Variants in KDM4C observed in about 807,000 individuals in gnomAD.
KDM4C encodes the protein lysine-specific demethylase 4C.
Under a neutral mutation model 129.3 loss-of-function variants are expected in KDM4C, and 81 were observed. The observed-to-expected ratio is 0.63, with a 90% CI of 0.52 to 0.75. The LOEUF (loss-of-function observed/expected upper bound fraction) is 0.75. Ranked by LOEUF, KDM4C falls within the 30% of genes least tolerant of loss-of-function variation. The pLI, the probability that KDM4C is intolerant of heterozygous loss-of-function variation, is 0.00. For missense variants in KDM4C, 1,457 were observed against 1,304.0 expected, an observed-to-expected ratio of 1.12 and a Z score of -1.81; for synonymous variants, 573 against 456.1, an observed-to-expected ratio of 1.26 and a Z score of -3.26.
chr9:7,090,168 T>C (rs1243612600), intron 17 of KDM4C, among the ~76,000 whole-genome samples: 2 of 152,266 alleles, frequency 1.3e-5, no homozygotes, highest in Admixed American at 1.3e-4. Context: ...GATGCACTTA[T>C]AACCTCTTCA....
At chr9:6,865,321 T>G (rs1273094368) in intron 5 of KDM4C, among the ~76,000 whole-genome samples, 1 of 152,194 alleles carries the variant, frequency 6.6e-6, no homozygotes, top group African/African-American at 2.4e-5. Context: ...GTTAAATTTC[T>G]TTGATAAATT....
chr9:6,768,829 G>A (rs887995165), intron 1 of KDM4C, among the ~76,000 whole-genome samples: 1 of 151,706 alleles, frequency 6.6e-6, no homozygotes, highest in African/African-American at 2.4e-5. Context: ...CTGGAGTGCA[G>A]TGATGCAATC....
At chr9:6,768,971 C>G (rs1821205654) in intron 1 of KDM4C, among the ~76,000 whole-genome samples, 1 of 151,970 alleles carries the variant, frequency 6.6e-6, no homozygotes. Context: ...CGGGGTTTCA[C>G]CATGTTGGCC....
intron 4 of KDM4C, among the ~76,000 whole-genome samples, chr9:6,818,254 A>C (rs1046637793): frequency 6.6e-6 from 1 of 152,206 alleles, no homozygotes; most frequent in East Asian, 1.9e-4. Context: ...TTCTTTTAGC[A>C]CAAGCCACAT....
chr9:6,925,432 C>A (rs1822299286), intron 8 of KDM4C: 1 of 926,686 alleles, frequency 1.1e-6, no homozygotes, highest in Non-Finnish European at 1.3e-6. Flanking sequence ...TTCCTCCTTT[C>A]CCCTTTTCCT....
At chr9:6,840,614 C>T (rs1836742778) in intron 4 of KDM4C, among the ~76,000 whole-genome samples, 3 of 152,102 alleles carry the variant, frequency 2.0e-5, no homozygotes, top group Admixed American at 6.5e-5. Flanking sequence ...CCAGGCTGGT[C>T]TCAAACTTCT....
chr9:6,840,781 C>T (rs1186256255), intron 4 of KDM4C, among the ~76,000 whole-genome samples: 1 of 152,192 alleles, frequency 6.6e-6, no homozygotes, highest in Non-Finnish European at 1.5e-5. Flanking sequence ...TGATGTTTTG[C>T]TTTTGTTTTC....
At chr9:6,779,490 G>C (rs1340092972) in intron 1 of KDM4C, among the ~76,000 whole-genome samples, 1 of 152,162 alleles carries the variant, frequency 6.6e-6, no homozygotes, top group Non-Finnish European at 1.5e-5. Context: ...TGGTGTGTTC[G>C]TGAAACAAAC....
chr9:7,052,348 G>C (rs1323499183), intron 17 of KDM4C, among the ~76,000 whole-genome samples: 1 of 152,172 alleles, frequency 6.6e-6, no homozygotes, highest in African/African-American at 2.4e-5. Flanking sequence ...TGTGATGTAT[G>C]TGTATATGCA....
intron 16 of KDM4C, among the ~76,000 whole-genome samples, chr9:7,047,513 G>A (rs1587232495): frequency 6.6e-6 from 1 of 151,950 alleles, no homozygotes; most frequent in African/African-American, 2.4e-5. Flanking sequence ...TGTTCTGCAT[G>A]GATTTTATTT....
chr9:7,044,703 G>C (rs1051250169), intron 15 of KDM4C, among the ~76,000 whole-genome samples: 2 of 152,038 alleles, frequency 1.3e-5, no homozygotes, highest in Non-Finnish European at 2.9e-5. Flanking sequence ...CTGTGGCACT[G>C]TTAGTCAGAC....
In KDM4C at chr9:6,980,998, A is replaced by G. The variant is rs1273133740; in HGVS notation, c.995A>G (p.Gln332Arg). Residue 332 changes from glutamine to arginine, a missense_variant, in exon 9 of 22, where the codon CAG (glutamine) becomes CGG (arginine). Coordinates refer to ENST00000381309, the MANE Select transcript of KDM4C (RefSeq NM_015061.6). Reference sequence around the variant, plus strand: ...AGGAAATTTCAGCCAGACAGATATCAGCTTTGGAAACAAGGAAAGGATATA... The same window carrying G: ...AGGAAATTTCAGCCAGACAGATATCGGCTTTGGAAACAAGGAAAGGATATA... ...FVRKFQPDRY[Q>R]LWKQGKDIYT... 3 of 1,613,840 alleles carry G rather than the reference A, an allele frequency of 1.9e-6. No homozygotes were observed. Among genetic ancestry groups the G allele is most frequent in the East Asian group, 2.2e-5 (1 of 44,888 alleles).
intron 12 of KDM4C, among the ~76,000 whole-genome samples, chr9:6,993,104 C>G (rs564438689): frequency 1.3e-5 from 2 of 152,060 alleles, no homozygotes; most frequent in African/African-American, 4.8e-5. Flanking sequence ...GGAAGGACTT[C>G]GTGACTCCTA....
At chr9:7,108,854 T>G (rs962822280) in intron 18 of KDM4C, among the ~76,000 whole-genome samples, 1 of 152,208 alleles carries the variant, frequency 6.6e-6, no homozygotes, top group Non-Finnish European at 1.5e-5. Context: ...TGTATTGTAT[T>G]GTATAGCATA....
intron 1 of KDM4C, among the ~76,000 whole-genome samples, chr9:6,731,472 A>G (rs538121002): frequency 2.2e-3 from 327 of 151,994 alleles, no homozygotes; most frequent in Middle Eastern, 0.014. Flanking sequence ...GATTACAGGC[A>G]TGCACTACCT....
intron 15 of KDM4C, among the ~76,000 whole-genome samples, chr9:7,021,449 G>A (rs1443878777): frequency 4.6e-5 from 7 of 151,948 alleles, no homozygotes; most frequent in Admixed American, 3.9e-4. Flanking sequence ...CTGGCCTGTC[G>A]TTTGCATATT....
At position 7,130,885 on chromosome 9, in the gene KDM4C, A is replaced by G. The variant is rs550701590; in HGVS notation, c.2781+2649A>G. Among the ~76,000 whole-genome samples, 14 of 150,368 alleles carry G rather than the reference A, an allele frequency of 9.3e-5. No homozygotes were observed. In the South Asian group the frequency reaches 3.0e-3, roughly 32 times the overall value. ...GTGATCCTCTCGCCTCAGCCTCTTG[A>G]GTAGCTGGGACCACAGCCCTGTGCC... On this transcript the variant is annotated intron_variant, in intron 19 of 21. Coordinates refer to ENST00000381309, the MANE Select transcript of KDM4C (RefSeq NM_015061.6).
At chr9:7,061,365 G>A (rs1831643566) in intron 17 of KDM4C, among the ~76,000 whole-genome samples, 1 of 152,206 alleles carries the variant, frequency 6.6e-6, no homozygotes, top group Non-Finnish European at 1.5e-5. Context: ...TCCCGTTACA[G>A]TTTTTGACTG....
intron 4 of KDM4C, among the ~76,000 whole-genome samples, chr9:6,820,009 C>T (rs753681664): frequency 4.0e-5 from 6 of 151,360 alleles, no homozygotes; most frequent in Admixed American, 2.0e-4. Flanking sequence ...GTAAGAAAAT[C>T]GTAGCCGTTT....
Sources: allele counts gnomAD v4.1 joint callset (sites outside exome capture counted in the v4.1 genomes callset), GRCh38; gene constraint gnomAD v4.1.1; transcripts MANE v1.5; gene names NCBI Gene and HGNC (gene_info 2026-07-23, HGNC 2026-07-21).